The following ARHGEF26 variants were observed in gnomAD, a reference collection of about 807,000 sequenced individuals.
The protein encoded by ARHGEF26 is Rho guanine nucleotide exchange factor (GEF) 26.
In ARHGEF26, 59 loss-of-function variants were observed where a neutral mutation model predicts 89.4. That is an observed-to-expected ratio of 0.66 (90% confidence interval 0.54 to 0.82). ARHGEF26 has a LOEUF of 0.82. ARHGEF26 is among the 40% of genes least tolerant of loss of function. The pLI, the probability that ARHGEF26 is intolerant of heterozygous loss-of-function variation, is 0.00. For missense variants in ARHGEF26, 1,234 were observed against 1,085.6 expected, an observed-to-expected ratio of 1.14 and a Z score of -1.92; for synonymous variants, 500 against 428.4, an observed-to-expected ratio of 1.17 and a Z score of -2.06.
chr3:154,121,718 A>G (rs570790484), intron 1 of ARHGEF26, among the ~76,000 whole-genome samples, 199 bp downstream of exon 1: 2 of 152,216 alleles, frequency 1.3e-5, no homozygotes, highest in East Asian at 3.9e-4. Flanking sequence ...TTGGCGCGGG[A>G]GGGACGCGGA....
intron 5 of ARHGEF26, among the ~76,000 whole-genome samples, chr3:154,151,299 A>G (rs1321236661): frequency 6.6e-6 from 1 of 152,210 alleles, no homozygotes; most frequent in Non-Finnish European, 1.5e-5. Flanking sequence ...GAACAAAAGA[A>G]ATTATTTAAA....
intron 6 of ARHGEF26, among the ~76,000 whole-genome samples, chr3:154,170,122 G>A (rs575516250): frequency 7.9e-5 from 12 of 151,596 alleles, no homozygotes; most frequent in South Asian, 2.1e-4. Flanking sequence ...AGCACTTTGC[G>A]AGGCCAAGGT....
intron 11 of ARHGEF26, 138 bp downstream of exon 11, chr3:154,226,148 C>T: frequency 1.4e-6 from 1 of 725,122 alleles, no homozygotes; most frequent in Non-Finnish European, 2.1e-6. Flanking sequence ...ATAATTGCAT[C>T]TATGGTTCAT....
At chr3:154,185,998 G>A (rs9876242) in intron 6 of ARHGEF26, among the ~76,000 whole-genome samples, 34,415 of 152,038 alleles carry the variant, frequency 0.23, 4,060 homozygotes, top group South Asian at 0.37. Flanking sequence ...CCCATCAACC[G>A]CTCCACTGTG....
intron 12 of ARHGEF26, among the ~76,000 whole-genome samples, chr3:154,250,015 C>G (rs1394978181): frequency 6.6e-6 from 1 of 152,046 alleles, no homozygotes; most frequent in East Asian, 1.9e-4. Flanking sequence ...TGCTTCATAG[C>G]TGGGGGAGCT....
intron 9 of ARHGEF26, among the ~76,000 whole-genome samples, chr3:154,215,589 A>T (rs1715668811): frequency 6.6e-6 from 1 of 152,130 alleles, no homozygotes; most frequent in Non-Finnish European, 1.5e-5. Context: ...GGTTTAAGGA[A>T]CAGATATTTA....
At chr3:154,217,296 C>T (rs1436319964) in intron 9 of ARHGEF26, among the ~76,000 whole-genome samples, 1 of 151,542 alleles carries the variant, frequency 6.6e-6, no homozygotes, top group Non-Finnish European at 1.5e-5. Flanking sequence ...TGATGATGAG[C>T]ATTTTTTCAT....
At chr3:154,165,562 T>C (rs904907682) in intron 6 of ARHGEF26, among the ~76,000 whole-genome samples, 3 of 152,198 alleles carry the variant, frequency 2.0e-5, no homozygotes, top group Non-Finnish European at 4.4e-5. Flanking sequence ...TGCCTGCCTT[T>C]ATCTATTTTA....
At chr3:154,128,989 T>C (rs1466053448) in intron 3 of ARHGEF26, among the ~76,000 whole-genome samples, 3 of 152,230 alleles carry the variant, frequency 2.0e-5, no homozygotes, top group African/African-American at 7.2e-5. Context: ...TTAGTGTCTA[T>C]TATTGTATTT....
chr3:154,149,102 T>C (rs1428732079), intron 4 of ARHGEF26, among the ~76,000 whole-genome samples: 1 of 152,176 alleles, frequency 6.6e-6, no homozygotes, highest in Non-Finnish European at 1.5e-5. Flanking sequence ...GCCTCAATTG[T>C]TACCCCCATC....
intron 6 of ARHGEF26, among the ~76,000 whole-genome samples, chr3:154,183,109 G>A (rs1361152060): frequency 1.3e-5 from 2 of 152,188 alleles, no homozygotes; most frequent in African/African-American, 4.8e-5. Flanking sequence ...CAGCTGAGGA[G>A]CTCACCTTGG....
At chr3:154,128,707 G>C (rs1452785610) in intron 3 of ARHGEF26, among the ~76,000 whole-genome samples, 2 of 152,186 alleles carry the variant, frequency 1.3e-5, no homozygotes, top group Non-Finnish European at 2.9e-5. Flanking sequence ...TTCTTCATCA[G>C]AGTCAACATC....
At chr3:154,237,100 A>G (rs1717167844) in intron 11 of ARHGEF26, among the ~76,000 whole-genome samples, 1 of 152,212 alleles carries the variant, frequency 6.6e-6, no homozygotes, top group Non-Finnish European at 1.5e-5. Context: ...TGAGAGGACT[A>G]CAGGCATAAA....
At chr3:154,232,758 T>G (rs1716895064) in intron 11 of ARHGEF26, among the ~76,000 whole-genome samples, 2 of 152,164 alleles carry the variant, frequency 1.3e-5, no homozygotes, top group African/African-American at 2.4e-5. Context: ...ATTCCCACTT[T>G]ACAGATGAGA....
At chr3:154,247,542 C>A (rs1324107664) in intron 12 of ARHGEF26, among the ~76,000 whole-genome samples, 2 of 152,152 alleles carry the variant, frequency 1.3e-5, no homozygotes, top group Non-Finnish European at 2.9e-5. Flanking sequence ...CTAGTTTTGT[C>A]CTTTCCTTGC....
At chr3:154,144,680 A>G (rs1256548824) in intron 4 of ARHGEF26, among the ~76,000 whole-genome samples, 1 of 152,228 alleles carries the variant, frequency 6.6e-6, no homozygotes, top group African/African-American at 2.4e-5. Flanking sequence ...TGCAGGGCAT[A>G]GAGGAGCAAG....
At chr3:154,245,379 A>C (rs1325723828) in intron 12 of ARHGEF26, among the ~76,000 whole-genome samples, 1 of 152,238 alleles carries the variant, frequency 6.6e-6, no homozygotes, top group African/African-American at 2.4e-5. Flanking sequence ...CCTAGATGTT[A>C]AATTTAGGAT....
chr3:154,121,805 C>A lies in ARHGEF26; in HGVS notation c.-51-137C>A, dbSNP rs1264909608. 5.2e-6 allele frequency: 4 copies of A among 765,270 alleles called. No individual in the cohort carries two copies. The South Asian group carries it at 1.0e-4, about 20-fold the overall frequency. The allele number at this position is 765,270 out of a possible 1,614,324, so 47.4% of individuals were successfully genotyped here. On this transcript the variant is annotated intron_variant, in intron 1 of 14. Coordinates refer to ENST00000465093, the MANE Select transcript of ARHGEF26 (RefSeq NM_015595.4). Reference sequence around the variant, plus strand: ...GCGCACCGCAGTGGTGCAGTTTTTGCCCGAGAAAGGGCGGGTAAGTGCGGT... The same window carrying A: ...GCGCACCGCAGTGGTGCAGTTTTTGACCGAGAAAGGGCGGGTAAGTGCGGT...
intron 9 of ARHGEF26, among the ~76,000 whole-genome samples, chr3:154,209,800 C>G (rs376612036): frequency 1.3e-5 from 2 of 152,196 alleles, no homozygotes; most frequent in African/African-American, 2.4e-5. Context: ...AGTCAGTCGA[C>G]GGCAAAGCCA....
Sources: allele counts gnomAD v4.1 joint callset (sites outside exome capture counted in the v4.1 genomes callset), GRCh38; gene constraint gnomAD v4.1.1; transcripts MANE v1.5; gene names NCBI Gene and HGNC (gene_info 2026-07-23, HGNC 2026-07-21).